PTPRD: variants seen among roughly 807,000 people sequenced by gnomAD.
The protein encoded by PTPRD is receptor-type tyrosine-protein phosphatase delta.
PTPRD carries 34 observed loss-of-function variants against 214.5 expected under a neutral mutation model. That is an observed-to-expected ratio of 0.16 (90% CI 0.12 to 0.21). The LOEUF is 0.21. PTPRD is among the 10% of genes least tolerant of loss of function. PTPRD has a pLI of 1.00. For missense variants in PTPRD, 2,545 were observed against 2,398.7 expected (o/e 1.06, Z -1.27); for synonymous variants, 1,128 against 845.7 (o/e 1.33, Z -5.79).
intron 9 of PTPRD, among the ~76,000 whole-genome samples, chr9:9,323,928 G>C (rs962797180): frequency 6.6e-5 from 10 of 152,272 alleles, no homozygotes; most frequent in Admixed American, 5.9e-4. Flanking sequence ...CTATGAATGA[G>C]AACATGGAGT....
At chr9:10,052,070 G>A (rs1042155666) in intron 3 of PTPRD, among the ~76,000 whole-genome samples, 2 of 152,036 alleles carry the variant, frequency 1.3e-5, no homozygotes, top group East Asian at 1.9e-4. Flanking sequence ...TCAGGCTTCC[G>A]AGTAGCTGGG....
chr9:9,961,781 T>C (rs1034954271), intron 4 of PTPRD, among the ~76,000 whole-genome samples: 13 of 152,094 alleles, frequency 8.5e-5, no homozygotes, highest in African/African-American at 2.9e-4. Context: ...ATTATAAAAA[T>C]GTAACTACAA....
chr9:8,568,607 A>G (rs1389141278), intron 14 of PTPRD, among the ~76,000 whole-genome samples: 1 of 152,162 alleles, frequency 6.6e-6, no homozygotes, highest in Admixed American at 6.6e-5. Flanking sequence ...GGTCAGGGCT[A>G]TATGTGTCTG....
chr9:10,503,203 A>AAAAAAC (rs1555437260), intron 2 of PTPRD, among the ~76,000 whole-genome samples: 1 of 133,872 alleles, frequency 7.5e-6, no homozygotes, highest in Admixed American at 7.0e-5. Context: ...CAAAAAAAAA[A>AAAAAAC]AAAACAAAAA....
At chr9:9,052,097 G>C (rs1569509852) in intron 10 of PTPRD, among the ~76,000 whole-genome samples, 1 of 152,198 alleles carries the variant, frequency 6.6e-6, no homozygotes, top group Non-Finnish European at 1.5e-5. Flanking sequence ...CACAGACTCA[G>C]TGTGGTGTGG....
intron 3 of PTPRD, among the ~76,000 whole-genome samples, chr9:10,102,960 T>C (rs998954591): frequency 1.3e-4 from 19 of 151,692 alleles, no homozygotes; most frequent in African/African-American, 4.6e-4. Context: ...ATTCCTTCAA[T>C]ATCTCTTCTT....
intron 21 of PTPRD, among the ~76,000 whole-genome samples, chr9:8,513,569 C>T (rs1455839401): frequency 6.6e-6 from 1 of 152,002 alleles, no homozygotes; most frequent in African/African-American, 2.4e-5. Flanking sequence ...ACTTCAATTC[C>T]TACATATTAT....
chr9:10,003,427 A>T (rs932812574), intron 4 of PTPRD, among the ~76,000 whole-genome samples: 2 of 151,822 alleles, frequency 1.3e-5, no homozygotes, highest in East Asian at 3.9e-4. Flanking sequence ...ATTAAGAAAA[A>T]TGGGTTGGAG....
chr9:9,935,207 G>T (rs2088705345), intron 5 of PTPRD, among the ~76,000 whole-genome samples: 1 of 151,856 alleles, frequency 6.6e-6, no homozygotes, highest in South Asian at 2.1e-4. Flanking sequence ...TCAACATAGT[G>T]TTGGAAGTTC....
At chr9:10,118,100 A>C (rs2098745387) in intron 3 of PTPRD, among the ~76,000 whole-genome samples, 1 of 151,958 alleles carries the variant, frequency 6.6e-6, no homozygotes, top group Non-Finnish European at 1.5e-5. Flanking sequence ...AGAGCTAGTA[A>C]AGTCATCTAC....
At chr9:10,411,096 C>A (rs1056758815) in intron 2 of PTPRD, among the ~76,000 whole-genome samples, 39 of 151,768 alleles carry the variant, frequency 2.6e-4, no homozygotes, top group African/African-American at 9.4e-4. Context: ...TTTACTTTTA[C>A]TATTTACATT....
intron 14 of PTPRD, among the ~76,000 whole-genome samples, chr9:8,586,292 C>G (rs1241878609): frequency 2.0e-5 from 3 of 151,462 alleles, no homozygotes; most frequent in African/African-American, 7.3e-5. Flanking sequence ...GAGCTAGATT[C>G]TGTCTCAAAA....
chr9:8,757,456 T>C (rs941472918), intron 11 of PTPRD, among the ~76,000 whole-genome samples: 6 of 151,964 alleles, frequency 3.9e-5, no homozygotes, highest in Non-Finnish European at 7.4e-5. Context: ...AAATACCATA[T>C]ACCATACAGT....
chr9:9,485,577 T>C (rs549959056), intron 8 of PTPRD, among the ~76,000 whole-genome samples: 148 of 152,334 alleles, frequency 9.7e-4, no homozygotes, highest in African/African-American at 3.5e-3. Context: ...GTAGATAATC[T>C]AGTCTCTTAC....
chr9:9,417,118 A>G (rs538205870), intron 8 of PTPRD, among the ~76,000 whole-genome samples: 60 of 152,222 alleles, frequency 3.9e-4, no homozygotes, highest in South Asian at 1.9e-3. Context: ...TCTTTGGCGG[A>G]CACATAAGGC....
At chr9:9,620,943 T>C (rs558225023) in intron 7 of PTPRD, among the ~76,000 whole-genome samples, 1 of 152,150 alleles carries the variant, frequency 6.6e-6, no homozygotes, top group African/African-American at 2.4e-5. Context: ...ATAGCCTTTA[T>C]TGCAAGCCAG....
chr9:8,824,523 A>G (rs958414136), intron 11 of PTPRD, among the ~76,000 whole-genome samples: 2 of 152,204 alleles, frequency 1.3e-5, no homozygotes. Context: ...CTGTTTAATA[A>G]AACATTCAGT....
chr9:8,634,333 T>A (rs949696153), intron 13 of PTPRD, among the ~76,000 whole-genome samples: 2 of 152,108 alleles, frequency 1.3e-5, no homozygotes, highest in Non-Finnish European at 2.9e-5. Flanking sequence ...CCTTCAGCTG[T>A]TCACTGAGAA....
At chr9:8,531,384 A>G (rs908683133) in intron 14 of PTPRD, among the ~76,000 whole-genome samples, 2 of 152,082 alleles carry the variant, frequency 1.3e-5, no homozygotes, top group African/African-American at 4.8e-5. Flanking sequence ...CTGGGGGGAA[A>G]AAGGAGCAGA....
Sources: gnomAD v4.1 joint callset for allele counts (sites outside exome capture counted in the v4.1 genomes callset) on GRCh38, gnomAD v4.1.1 for gene constraint, MANE v1.5 for transcripts, NCBI Gene and HGNC (gene_info 2026-07-23, HGNC 2026-07-21) for gene names.